PHACTR1: variants seen among roughly 807,000 people sequenced by gnomAD.
PHACTR1 encodes RPEL repeat containing 1.
In PHACTR1, 16 loss-of-function variants were observed where a neutral mutation model predicts 69.2. The ratio of observed to expected loss-of-function variants is 0.23; its 90% CI spans 0.16 to 0.35. The LOEUF (loss-of-function observed/expected upper bound fraction) is 0.35. PHACTR1 is among the 10% of genes least tolerant of loss of function. PHACTR1 has a pLI of 1.00. For missense variants in PHACTR1, 510 were observed against 734.7 expected (o/e 0.69, Z 3.54); for synonymous variants, 312 against 284.5 (o/e 1.10, Z -0.97).
chr6:13,073,544 A>G (rs1490036431), intron 5 of PHACTR1, among the ~76,000 whole-genome samples: 1 of 151,598 alleles, frequency 6.6e-6, no homozygotes, highest in African/African-American at 2.4e-5. Flanking sequence ...GGGTTTCACC[A>G]TGTTGTCCAG....
intron 4 of PHACTR1, among the ~76,000 whole-genome samples, chr6:12,865,674 A>G (rs573217044): frequency 5.3e-5 from 8 of 152,224 alleles, no homozygotes; most frequent in African/African-American, 9.6e-5. Flanking sequence ...CCATTCAAAT[A>G]TAATAGTTTG....
At chr6:12,729,516 C>T (rs1379756789) in intron 3 of PHACTR1, among the ~76,000 whole-genome samples, 1 of 152,164 alleles carries the variant, frequency 6.6e-6, no homozygotes, top group Non-Finnish European at 1.5e-5. Context: ...GTGTTAGACT[C>T]TGCCTAGGCT....
chr6:13,037,804 C>T (rs1803535900), intron 4 of PHACTR1, among the ~76,000 whole-genome samples: 2 of 152,134 alleles, frequency 1.3e-5, no homozygotes, highest in East Asian at 3.8e-4. Flanking sequence ...AGTCAGAACA[C>T]AGAAACTGAT....
chr6:12,951,014 T>C (rs1791226282), intron 4 of PHACTR1, among the ~76,000 whole-genome samples: 1 of 152,234 alleles, frequency 6.6e-6, no homozygotes, highest in African/African-American at 2.4e-5. Flanking sequence ...GGCCTGATCC[T>C]GCAGGAAACT....
intron 3 of PHACTR1, among the ~76,000 whole-genome samples, chr6:12,734,970 G>A (rs541010624): frequency 1.4e-4 from 21 of 152,244 alleles, no homozygotes; most frequent in African/African-American, 2.4e-4. Flanking sequence ...CTATTGCTGC[G>A]TATCAAATTA....
intron 5 of PHACTR1, among the ~76,000 whole-genome samples, chr6:13,141,724 C>CTTTTTTTTT (rs577073698): frequency 2.0e-4 from 18 of 89,754 alleles, no homozygotes; most frequent in East Asian, 6.9e-4. Context: ...TTTCTTCTTT[C>CTTTTTTTTT]TTTTTTTTTT....
intron 4 of PHACTR1, among the ~76,000 whole-genome samples, chr6:12,754,128 A>ATTTTTTTTTTTT (rs34841058): frequency 6.2e-5 from 7 of 112,420 alleles, no homozygotes; most frequent in African/African-American, 1.0e-4. Context: ...ACGCCTGGCT[A>ATTTTTTTTTTTT]TTTTTTTTTT....
chr6:13,206,635 G>C (rs540099619), intron 8 of PHACTR1, among the ~76,000 whole-genome samples: 1 of 152,240 alleles, frequency 6.6e-6, no homozygotes, highest in Non-Finnish European at 1.5e-5. Context: ...TAAAAACAAA[G>C]AAGATGATTA....
intron 10 of PHACTR1, among the ~76,000 whole-genome samples, chr6:13,268,275 G>GA (rs1777100322): frequency 6.6e-6 from 1 of 152,044 alleles, no homozygotes; most frequent in Admixed American, 6.5e-5. Context: ...TCAAAAAAGA[G>GA]AAAAAAGTGT....
intron 4 of PHACTR1, among the ~76,000 whole-genome samples, chr6:12,907,482 C>T (rs187819674): frequency 2.0e-5 from 3 of 152,328 alleles, no homozygotes; most frequent in Non-Finnish European, 2.9e-5. Flanking sequence ...CTCAAGGAGC[C>T]TCTAACAAGG....
intron 5 of PHACTR1, among the ~76,000 whole-genome samples, chr6:13,064,774 T>C (rs967733094): frequency 1.3e-5 from 2 of 150,008 alleles, no homozygotes; most frequent in Admixed American, 1.3e-4. Context: ...ACAAGTTGTT[T>C]GGCATGAGGC....
At chr6:13,092,993 A>G (rs1427633598) in intron 5 of PHACTR1, among the ~76,000 whole-genome samples, 6 of 152,178 alleles carry the variant, frequency 3.9e-5, no homozygotes, top group Admixed American at 3.3e-4. Context: ...GATCTTTACA[A>G]CAGACCCACA....
At chr6:12,823,983 C>G (rs1776499580) in intron 4 of PHACTR1, among the ~76,000 whole-genome samples, 1 of 152,150 alleles carries the variant, frequency 6.6e-6, no homozygotes, top group African/African-American at 2.4e-5. Context: ...GGGCCAGGGA[C>G]TGGTACTGGT....
At chr6:13,046,188 T>C (rs956274988) in intron 4 of PHACTR1, among the ~76,000 whole-genome samples, 1 of 152,130 alleles carries the variant, frequency 6.6e-6, no homozygotes, top group Non-Finnish European at 1.5e-5. Flanking sequence ...GGAATGTAAG[T>C]GGCGTTTCCT....
intron 4 of PHACTR1, among the ~76,000 whole-genome samples, chr6:12,802,373 A>T (rs888227925): frequency 3.5e-4 from 53 of 152,252 alleles, no homozygotes; most frequent in Admixed American, 2.6e-3. Context: ...AAAAAGCTAC[A>T]CACAAAATTA....
intron 4 of PHACTR1, among the ~76,000 whole-genome samples, chr6:12,792,840 C>CTTTTT (rs58524663): frequency 8.3e-6 from 1 of 120,408 alleles, no homozygotes; most frequent in Non-Finnish European, 1.7e-5. Context: ...TAAAGAGAAG[C>CTTTTT]TTTTTTTTTT....
intron 4 of PHACTR1, among the ~76,000 whole-genome samples, chr6:12,761,015 C>T (rs1365324598): frequency 2.0e-5 from 3 of 152,292 alleles, no homozygotes; most frequent in South Asian, 2.1e-4. Flanking sequence ...TGGACACAAG[C>T]GTTCTGTGAA....
chr6:12,907,529 G>A (rs74435080), intron 4 of PHACTR1, among the ~76,000 whole-genome samples: 6 of 152,160 alleles, frequency 3.9e-5, no homozygotes, highest in Admixed American at 1.3e-4. Context: ...ATCTAAGGTT[G>A]GTCCTCAGTT....
chr6:12,956,458 A>C (rs1791910190), intron 4 of PHACTR1, among the ~76,000 whole-genome samples: 1 of 152,192 alleles, frequency 6.6e-6, no homozygotes, highest in African/African-American at 2.4e-5. Context: ...GGCATTGAGG[A>C]ATTATTACTA....
Sources: allele counts gnomAD v4.1 joint callset (sites outside exome capture counted in the v4.1 genomes callset), GRCh38; gene constraint gnomAD v4.1.1; transcripts MANE v1.5; gene names NCBI Gene and HGNC (gene_info 2026-07-23, HGNC 2026-07-21).